Variants in FRY observed in about 807,000 individuals in gnomAD.
FRY encodes the protein FRY microtubule binding protein.
A neutral mutation model predicts 348.4 loss-of-function variants in FRY; 128 were observed. That is an observed-to-expected ratio of 0.37 (90% CI 0.32 to 0.43). FRY has a LOEUF of 0.43. Ranked by LOEUF, FRY falls within the 20% of genes least tolerant of loss-of-function variation. FRY has a pLI of 1.00. For missense variants in FRY, 2,736 were observed against 3,695.2 expected (o/e 0.74, Z 6.73); for synonymous variants, 1,370 against 1,374.7 (o/e 1.00, Z 0.08).
chr13:32,138,118 GT>G (rs947763620), intron 11 of FRY, among the ~76,000 whole-genome samples: 3 of 150,050 alleles, frequency 2.0e-5, no homozygotes, highest in East Asian at 2.0e-4. Flanking sequence ...TTTCAGGTTT[GT>G]TTTTTTTGTT....
chr13:32,031,868 G>A lies in FRY; in HGVS notation c.70+3G>A. ...TTTACTGAAATCCTGGAGTAATAGT[G>A]AGTAATAGAAAATAACCTTTTTGTT... On this transcript the variant is annotated splice_donor_region_variant and intron_variant, in intron 1 of 60. Coordinates refer to ENST00000542859, the MANE Select transcript of FRY (RefSeq NM_023037.3). The A allele has an allele frequency of 6.7e-7, 1 of 1,484,766 alleles. No homozygotes were observed. Among genetic ancestry groups the A allele is most frequent in the Non-Finnish European group, 9.4e-7 (1 of 1,063,490 alleles). The allele number at this position is 1,484,766 out of a possible 1,614,324, so 92.0% of individuals were successfully genotyped here.
chr13:32,119,341 C>T (rs1421799375), intron 4 of FRY, among the ~76,000 whole-genome samples: 1 of 152,296 alleles, frequency 6.6e-6, no homozygotes, highest in East Asian at 1.9e-4. Flanking sequence ...GAGATTAGTA[C>T]AGTATCAGCA....
rs1885472584 is a variant in FRY, at chr13:32,224,351, C to T, written c.4882C>T (p.Pro1628Ser). 2 of 1,614,054 alleles carry T rather than the reference C, an allele frequency of 1.2e-6. No homozygotes were observed. Among genetic ancestry groups the T allele is most frequent in the Non-Finnish European group, 1.7e-6 (2 of 1,179,988 alleles). ...GCWAPLVDYLPETITPRGPLH... is the reference protein window; with the variant it reads ...GCWAPLVDYLSETITPRGPLH... ...CTGGGCCCCCCTGGTTGACTATCTC[C>T]CGGAGACCATCACTCCCCGGGGGCC... Residue 1628 changes from proline to serine, a missense_variant, in exon 37 of 61, where the codon CCG becomes TCG. By Grantham distance (74) the Pro-to-Ser change is moderately conservative. Transcript: ENST00000542859.
rs201015678 is a variant in FRY at position 32,244,094 on chromosome 13, A to G, written c.6740A>G (p.Tyr2247Cys). The G allele has an allele frequency of 1.9e-6, 3 of 1,613,954 alleles. No homozygotes were observed. The highest frequency in any genetic ancestry group is 2.7e-5 in the African/African-American group (2 of 75,044). The change falls in exon 47 of 61, where the codon TAC becomes TGC. Residue 2247 changes from tyrosine (Y) to cysteine (C), a missense_variant. Coordinates refer to ENST00000542859, the MANE Select transcript of FRY (RefSeq NM_023037.3). ...SVQQPLLQVIYSLLSYMDLSV... is the reference protein window; with the variant it reads ...SVQQPLLQVICSLLSYMDLSV... ...CAGCAGCCCCTGCTCCAGGTGATCT[A>G]CAGTCTTCTCAGCTACATGGACCTT...
intron 1 of FRY, among the ~76,000 whole-genome samples, chr13:32,076,107 C>T (rs1033148885): frequency 6.6e-6 from 1 of 152,160 alleles, no homozygotes; most frequent in African/African-American, 2.4e-5. Flanking sequence ...TTTCATCTCT[C>T]TAGTTCAAAA....
chr13:32,044,131 T>G (rs1872891363), intron 1 of FRY, among the ~76,000 whole-genome samples: 3 of 152,178 alleles, frequency 2.0e-5, no homozygotes, highest in Admixed American at 2.0e-4. Flanking sequence ...AATTAACAAG[T>G]TCAATATTTA....
intron 2 of FRY, among the ~76,000 whole-genome samples, chr13:32,101,545 A>G (rs1422944203): frequency 6.6e-6 from 1 of 152,208 alleles, no homozygotes; most frequent in African/African-American, 2.4e-5. Context: ...AATCCTCCAT[A>G]CTTTTTTCCA....
intron 46 of FRY, among the ~76,000 whole-genome samples, chr13:32,243,785 T>C (rs772972151): frequency 7.2e-5 from 11 of 152,156 alleles, no homozygotes; most frequent in Non-Finnish European, 1.6e-4. Context: ...GGATTTTATT[T>C]CCCCTCCTAA....
In FRY at chr13:32,291,974, G is replaced by T. The variant is rs571310160; in HGVS notation, c.8580+2231G>T. 1.2e-3 allele frequency: 528 copies of T among 450,446 alleles called. 2 individuals are homozygous for T. Among genetic ancestry groups the T allele is most frequent in the African/African-American group, 5.4e-3 (271 of 49,924 alleles). 27.9% of individuals were successfully genotyped at this position (450,446 alleles called of 1,614,324 possible). ...ATGCATGAACAAATAAAGTTTTTTT[G>T]TTGTTGTTGTTTGTTTATTTGTTTT... On this transcript the variant is annotated intron_variant, in intron 59 of 60. Coordinates refer to ENST00000542859, the MANE Select transcript of FRY (RefSeq NM_023037.3).
chr13:32,073,151 G>A (rs1874781319), intron 1 of FRY, among the ~76,000 whole-genome samples: 1 of 152,206 alleles, frequency 6.6e-6, no homozygotes, highest in Non-Finnish European at 1.5e-5. Flanking sequence ...TGGTGAAAAA[G>A]CAGGCCAAAC....
intron 3 of FRY, among the ~76,000 whole-genome samples, chr13:32,102,650 A>G (rs909915715): frequency 6.6e-6 from 1 of 152,250 alleles, no homozygotes; most frequent in African/African-American, 2.4e-5. Context: ...TAGGACTAGT[A>G]AAGAACATTC....
intron 29 of FRY, among the ~76,000 whole-genome samples, chr13:32,201,089 C>G (rs1883999622): frequency 6.6e-6 from 1 of 152,202 alleles, no homozygotes; most frequent in Admixed American, 6.5e-5. Context: ...TCTTCTGAAC[C>G]CACCTACTGG....
intron 4 of FRY, among the ~76,000 whole-genome samples, chr13:32,119,830 T>G (rs1399972547): frequency 6.6e-6 from 1 of 152,226 alleles, no homozygotes; most frequent in Non-Finnish European, 1.5e-5. Flanking sequence ...CTGGCAGGGC[T>G]GTTCATAAAT....
chr13:32,159,484 GAA>G (rs1881321828), intron 16 of FRY, among the ~76,000 whole-genome samples: 1 of 152,112 alleles, frequency 6.6e-6, no homozygotes, highest in Non-Finnish European at 1.5e-5. Flanking sequence ...AAGGAAGAAA[GAA>G]AATAACAAGT....
chr13:32,197,887 C>T (rs1883771405), intron 29 of FRY, among the ~76,000 whole-genome samples: 1 of 152,188 alleles, frequency 6.6e-6, no homozygotes, highest in Admixed American at 6.5e-5. Flanking sequence ...TCAACTACCT[C>T]CCATATTTAT....
chr13:32,158,672 CT>C (rs1881255440), intron 16 of FRY, among the ~76,000 whole-genome samples: 2 of 151,932 alleles, frequency 1.3e-5, no homozygotes, highest in Non-Finnish European at 2.9e-5. Flanking sequence ...AATCCCAGCA[CT>C]TTGGGAGGCC....
In FRY at chr13:32,184,988, C is replaced by G. The variant is rs368143729; in HGVS notation, c.3159C>G (p.Ala1053=). Residue 1053 remains alanine, a synonymous_variant, in exon 26 of 61, where the codon GCC becomes GCG. Transcript: ENST00000542859. The part of the protein sequence containing the change: ...AGVISDSTNG[A]LERDTLALGA... ...TCCTTTATTCCAGCACAAATGGAGCCCTAGAGCGGGATACTTTAGCCCTGG... is the reference window on the plus strand; with the variant it reads ...TCCTTTATTCCAGCACAAATGGAGCGCTAGAGCGGGATACTTTAGCCCTGG... The G allele has an allele frequency of 3.7e-5, 60 of 1,613,794 alleles. No individual in the cohort carries two copies. In the African/African-American group the frequency reaches 7.3e-4, roughly 20 times the overall value.
intron 58 of FRY, among the ~76,000 whole-genome samples, chr13:32,288,507 A>G (rs976721923): frequency 2.6e-5 from 4 of 152,238 alleles, no homozygotes; most frequent in Non-Finnish European, 5.9e-5. Context: ...TTTAAGATTT[A>G]GGATCAAAAG....
chr13:32,260,466 A>T (rs1887572006), intron 51 of FRY, among the ~76,000 whole-genome samples: 1 of 152,260 alleles, frequency 6.6e-6, no homozygotes, highest in Non-Finnish European at 1.5e-5. Flanking sequence ...AGTCAAATAC[A>T]CTTATTTATT....
Sources: allele counts gnomAD v4.1 joint callset (sites outside exome capture counted in the v4.1 genomes callset), GRCh38; gene constraint gnomAD v4.1.1; transcripts MANE v1.5; gene names NCBI Gene and HGNC (gene_info 2026-07-23, HGNC 2026-07-21).